The following SLC39A11 variants were observed in gnomAD, a reference collection of about 807,000 sequenced individuals.
The protein encoded by SLC39A11 is zinc transporter ZIP11.
A neutral mutation model predicts 36.1 loss-of-function variants in SLC39A11; 33 were observed. The observed-to-expected ratio is 0.91, with a 90% CI of 0.69 to 1.22. SLC39A11 has a LOEUF of 1.22. Among genes scored for constraint, SLC39A11 ranks in the 50% most tolerant of loss-of-function variants. The pLI, the probability that SLC39A11 is intolerant of heterozygous loss-of-function variation, is 0.00. For missense variants in SLC39A11, 432 were observed against 430.3 expected (o/e 1.00, Z -0.03); for synonymous variants, 166 against 170.3 (o/e 0.97, Z 0.20).
At chr17:72,917,452 G>T (rs2083396954) in intron 5 of SLC39A11, among the ~76,000 whole-genome samples, 1 of 152,164 alleles carries the variant, frequency 6.6e-6, no homozygotes, top group Admixed American at 6.6e-5. Flanking sequence ...AGTGAGGGGG[G>T]ATTTGGGAAC....
chr17:72,939,224 G>A (rs1190558469), intron 5 of SLC39A11, among the ~76,000 whole-genome samples: 2 of 152,286 alleles, frequency 1.3e-5, no homozygotes, highest in Admixed American at 6.5e-5. Context: ...ACTCCGGGAG[G>A]CCGAGGTGGG....
chr17:73,020,873 G>A (rs968102050), intron 4 of SLC39A11, among the ~76,000 whole-genome samples: 1 of 151,836 alleles, frequency 6.6e-6, no homozygotes, highest in Non-Finnish European at 1.5e-5. Context: ...AGTAGAGACA[G>A]GGTTTTACCA....
intron 4 of SLC39A11, among the ~76,000 whole-genome samples, chr17:72,958,185 C>T (rs992613474): frequency 2.0e-5 from 3 of 152,178 alleles, no homozygotes; most frequent in Non-Finnish European, 4.4e-5. Context: ...GAAACTGGAT[C>T]CTCATCTCTC....
At chr17:72,977,309 C>G (rs1254512969) in intron 4 of SLC39A11, among the ~76,000 whole-genome samples, 1 of 152,194 alleles carries the variant, frequency 6.6e-6, no homozygotes, top group Non-Finnish European at 1.5e-5. Flanking sequence ...TGCCAGCAGA[C>G]AGGAGCTTGG....
intron 7 of SLC39A11, among the ~76,000 whole-genome samples, chr17:72,661,003 G>A (rs1192176911): frequency 6.6e-6 from 1 of 152,192 alleles, no homozygotes; most frequent in Admixed American, 6.5e-5. Flanking sequence ...GACAAAAACT[G>A]CTCAGACTGA....
At chr17:72,761,398 A>G (rs2075573169) in intron 6 of SLC39A11, among the ~76,000 whole-genome samples, 1 of 151,914 alleles carries the variant, frequency 6.6e-6, no homozygotes, top group South Asian at 2.1e-4. Context: ...TACAGATGTG[A>G]GCCATGCACC....
At chr17:72,888,756 G>T (rs1427834655) in intron 5 of SLC39A11, among the ~76,000 whole-genome samples, 1 of 152,088 alleles carries the variant, frequency 6.6e-6, no homozygotes, top group African/African-American at 2.4e-5. Flanking sequence ...GAAAAAATTA[G>T]CCAGGCATGG....
chr17:73,001,714 T>C (rs938234323), intron 4 of SLC39A11, among the ~76,000 whole-genome samples: 5 of 152,082 alleles, frequency 3.3e-5, no homozygotes, highest in African/African-American at 1.2e-4. Flanking sequence ...GTTCAAGCCA[T>C]ACAAGTCCAG....
chr17:72,721,831 G>A (rs1003838418), intron 7 of SLC39A11, among the ~76,000 whole-genome samples: 2 of 152,042 alleles, frequency 1.3e-5, no homozygotes, highest in African/African-American at 4.8e-5. Flanking sequence ...TTAGCTGGAT[G>A]TGGTGGTGCA....
chr17:72,873,979 T>G (rs1207571230), intron 5 of SLC39A11, among the ~76,000 whole-genome samples: 1 of 152,176 alleles, frequency 6.6e-6, no homozygotes, highest in Non-Finnish European at 1.5e-5. Context: ...TTGTGCTGCC[T>G]GTGAAGAGGT....
chr17:72,726,322 C>A (rs560748832), intron 7 of SLC39A11, among the ~76,000 whole-genome samples: 1 of 152,184 alleles, frequency 6.6e-6, no homozygotes, highest in Non-Finnish European at 1.5e-5. Flanking sequence ...ACAATGAAGT[C>A]TCCTTTGTAA....
Position 73,008,389 on chromosome 17 carries a change from C to G in SLC39A11, c.306+23167G>C, listed in dbSNP as rs567175140. 2.6e-5 allele frequency among the ~76,000 whole-genome samples: 4 copies of G among 152,248 alleles called. No individual in the cohort carries two copies. The East Asian group carries it at 7.7e-4, about 29-fold the overall frequency. On this transcript the variant is annotated intron_variant, in intron 4 of 9. Transcript: ENST00000255559. ...AATGAAAGCTAGCCTGAAGCTCTACCCAAACAACCACACTGCCCTGACCAG... is the reference window on the plus strand; with the variant it reads ...AATGAAAGCTAGCCTGAAGCTCTACGCAAACAACCACACTGCCCTGACCAG...
chr17:72,836,363 C>T, intron 6 of SLC39A11, among the ~76,000 whole-genome samples: 1 of 148,034 alleles, frequency 6.8e-6, no homozygotes. Flanking sequence ...TTTTTTGAGA[C>T]AGGGTCTCGC....
chr17:73,063,619 A>AAAAATTAAAATT (rs2059912255), intron 3 of SLC39A11, among the ~76,000 whole-genome samples: 1 of 152,168 alleles, frequency 6.6e-6, no homozygotes, highest in Non-Finnish European at 1.5e-5. Flanking sequence ...ATCTCAAAAA[A>AAAAATTAAAATT]AAAATTAAAA....
chr17:72,740,816 T>C (rs913378931), intron 6 of SLC39A11, among the ~76,000 whole-genome samples: 1 of 152,036 alleles, frequency 6.6e-6, no homozygotes, highest in Admixed American at 6.6e-5. Flanking sequence ...CTATTGTTGC[T>C]CAGGCTGGAG....
chr17:72,947,852 C>T lies in SLC39A11; in HGVS notation c.330G>A (p.Thr110=), dbSNP rs774108776. 1.8e-5 allele frequency: 29 copies of T among 1,613,850 alleles called. No homozygotes were observed. Among genetic ancestry groups the T allele is most frequent in the Non-Finnish European group, 2.5e-5 (29 of 1,180,034 alleles). ...PHLGAAEDPQ[T]TLALNFGSTL... ...TAGAGCCGAAGTTCAGTGCCAGGGT[C>T]GTCTGGGGGTCTTCTGCTGCACCCT... Residue 110 remains threonine, a synonymous_variant, in exon 5 of 10, where the codon ACG becomes ACA. Coordinates refer to ENST00000255559, the MANE Select transcript of SLC39A11 (RefSeq NM_139177.4).
chr17:72,937,442 G>A (rs1044452218), intron 5 of SLC39A11, among the ~76,000 whole-genome samples: 2 of 150,484 alleles, frequency 1.3e-5, no homozygotes, highest in Admixed American at 6.7e-5. Context: ...GCAACAGAGA[G>A]AGAGAGTCCG....
At chr17:72,708,964 C>T (rs539058941) in intron 7 of SLC39A11, among the ~76,000 whole-genome samples, 66 of 149,206 alleles carry the variant, frequency 4.4e-4, no homozygotes, top group African/African-American at 1.5e-3. Flanking sequence ...GAGACGGAGT[C>T]TCGCGCTGTT....
At chr17:72,805,383 G>A (rs1439459568) in intron 6 of SLC39A11, among the ~76,000 whole-genome samples, 4 of 152,174 alleles carry the variant, frequency 2.6e-5, no homozygotes, top group African/African-American at 4.8e-5. Context: ...CAGGGCTCTC[G>A]GGAGGCTAAG....
Sources: allele counts gnomAD v4.1 joint callset (sites outside exome capture counted in the v4.1 genomes callset), GRCh38; gene constraint gnomAD v4.1.1; transcripts MANE v1.5; gene names NCBI Gene and HGNC (gene_info 2026-07-23, HGNC 2026-07-21).